Variants in NAA15 observed in about 807,000 individuals in gnomAD.
NAA15 encodes the protein N-terminal acetyltransferase.
In NAA15, 34 loss-of-function variants were observed where a neutral mutation model predicts 114.0. The observed-to-expected ratio is 0.30, with a 90% CI of 0.23 to 0.40. The LOEUF is 0.40. Ranked by LOEUF, NAA15 falls within the 10% of genes least tolerant of loss-of-function variation. NAA15 has a pLI of 1.00. For synonymous variants in NAA15, 340 were observed against 338.0 expected, an observed-to-expected ratio of 1.01 and a Z score of -0.06; for missense variants, 658 against 1,004.5, an observed-to-expected ratio of 0.66 and a Z score of 4.66.
rs182625267 is a variant in NAA15 at position 139,351,692 on chromosome 4, C to T, written c.1014+81C>T. 286 of 716,104 alleles carry T rather than the reference C, an allele frequency of 4.0e-4. 1 individual carries two copies. In the East Asian group the frequency reaches 7.0e-3, roughly 18 times the overall value. The allele number at this position is 716,104 out of a possible 1,614,324, so 44.4% of individuals were successfully genotyped here. On this transcript the variant is annotated intron_variant, in intron 9 of 19. Coordinates refer to ENST00000296543, the MANE Select transcript of NAA15 (RefSeq NM_057175.5). ...AATTATTGATTCTTGATTATCTCTGCACAGTAGTACGTGTTTTGTGAATCT... is the reference window on the plus strand; with the variant it reads ...AATTATTGATTCTTGATTATCTCTGTACAGTAGTACGTGTTTTGTGAATCT...
chr4:139,357,969 G>T (rs1748013030), intron 11 of NAA15, among the ~76,000 whole-genome samples: 1 of 151,962 alleles, frequency 6.6e-6, no homozygotes, highest in East Asian at 1.9e-4. Flanking sequence ...AATTCTACAG[G>T]TTATCTCTTT....
chr4:139,352,368 CA>C (rs1200230520), intron 9 of NAA15, among the ~76,000 whole-genome samples: 1 of 152,012 alleles, frequency 6.6e-6, no homozygotes, highest in Admixed American at 6.6e-5. Context: ...CTCGGCCTCC[CA>C]AAGTGCTGGG....
At position 139,388,164 on chromosome 4, in the gene NAA15, T is replaced by G; in HGVS notation, c.*80T>G. 8.5e-7 allele frequency: 1 copy of G among 1,176,508 alleles called. No homozygotes were observed. Among genetic ancestry groups the G allele is most frequent in the East Asian group, 2.5e-5 (1 of 40,574 alleles). 72.9% of individuals were successfully genotyped at this position (1,176,508 alleles called of 1,614,324 possible). A position where few individuals can be genotyped will look rare whatever the true frequency, so the allele number is the denominator to read the frequency against. Reference sequence around the variant, plus strand: ...TTTTGTCACGCACCTGCTGCATTGCTCTAACTTACACAGAATGAGAGGAGT... The same window carrying G: ...TTTTGTCACGCACCTGCTGCATTGCGCTAACTTACACAGAATGAGAGGAGT... On this transcript the variant is annotated 3_prime_UTR_variant, in exon 20 of 20. Transcript: ENST00000296543.
chr4:139,333,816 C>G (rs532046981), intron 1 of NAA15, among the ~76,000 whole-genome samples: 1 of 152,246 alleles, frequency 6.6e-6, no homozygotes, highest in Admixed American at 6.5e-5. Context: ...AGAAGTATTC[C>G]TTGGGCCCAG....
At chr4:139,348,982 CT>C (rs1209288651) in intron 6 of NAA15, among the ~76,000 whole-genome samples, 1 of 152,134 alleles carries the variant, frequency 6.6e-6, no homozygotes, top group East Asian at 1.9e-4. Flanking sequence ...TGCTTAATTG[CT>C]TCTTGGAAGA....
chr4:139,306,577 GTT>G (rs541184787), intron 1 of NAA15, among the ~76,000 whole-genome samples: 1 of 137,810 alleles, frequency 7.3e-6, no homozygotes. Context: ...CCAGAAGCTG[GTT>G]TTTTTTTTTT....
rs2110994679 is a variant in NAA15, at chr4:139,378,791, G to T, written c.2092G>T (p.Ala698Ser). Residue 698 changes from alanine (A) to serine (S), a missense_variant, in exon 17 of 20, where the codon GCA (alanine) becomes TCA (serine). Ala to Ser is a moderately conservative substitution (Grantham distance 99, BLOSUM62 1). This residue lies in a region of NAA15 where 275 missense variants were observed against 371.1 expected (regional missense o/e 0.74). Coordinates refer to ENST00000296543, the MANE Select transcript of NAA15 (RefSeq NM_057175.5). Reference protein sequence around the residue: ...FLLMLQSVKRAFAIDSSHPWL... With the variant: ...FLLMLQSVKRSFAIDSSHPWL... ...TTTGATGCTACAATCAGTAAAGAGGGCATTTGCTATTGATTCTAGTCATCC... is the reference window on the plus strand; with the variant it reads ...TTTGATGCTACAATCAGTAAAGAGGTCATTTGCTATTGATTCTAGTCATCC... The T allele has an allele frequency of 1.3e-6, 2 of 1,558,122 alleles. No individual in the cohort carries two copies. The highest frequency in any genetic ancestry group is 1.7e-6 in the Non-Finnish European group (2 of 1,162,604).
At chr4:139,305,075 A>T (rs749434847) in intron 1 of NAA15, among the ~76,000 whole-genome samples, 1 of 152,196 alleles carries the variant, frequency 6.6e-6, no homozygotes, top group African/African-American at 2.4e-5. Context: ...GGGCTACTAC[A>T]TCCAGCTAAT....
intron 6 of NAA15, among the ~76,000 whole-genome samples, chr4:139,346,364 T>A (rs1747582268): frequency 6.6e-6 from 1 of 152,116 alleles, no homozygotes. Flanking sequence ...TTGAGTTAGG[T>A]AATGGGACAG....
intron 1 of NAA15, among the ~76,000 whole-genome samples, chr4:139,306,964 A>G (rs1746043036): frequency 6.6e-6 from 1 of 152,174 alleles, no homozygotes; most frequent in Admixed American, 6.5e-5. Context: ...CTAAGTTGGG[A>G]ATAGTTAAAA....
chr4:139,357,547 A>G lies in NAA15; in HGVS notation c.1249A>G (p.Ile417Val). 4 of 1,596,050 alleles carry G rather than the reference A, an allele frequency of 2.5e-6. No homozygotes were observed. Among genetic ancestry groups the G allele is most frequent in the Non-Finnish European group, 3.4e-6 (4 of 1,166,636 alleles). Reference protein sequence around the residue: ...LIELFLVKAKIYKHAGNIKEA... With the variant: ...LIELFLVKAKVYKHAGNIKEA... Reference sequence around the variant, plus strand: ...AGAACTCTTTCTCGTGAAAGCTAAAATCTATAAGGTAAAAATCTTTTTTTC... The same window carrying G: ...AGAACTCTTTCTCGTGAAAGCTAAAGTCTATAAGGTAAAAATCTTTTTTTC... The change falls in exon 11 of 20, where the codon ATC becomes GTC. Residue 417 changes from isoleucine to valine, a missense_variant. Physicochemically the swap from Ile to Val is conservative, Grantham distance 29. Coordinates refer to ENST00000296543, the MANE Select transcript of NAA15 (RefSeq NM_057175.5).
intron 1 of NAA15, among the ~76,000 whole-genome samples, chr4:139,310,232 A>G (rs905781683): frequency 2.6e-5 from 4 of 152,038 alleles, no homozygotes; most frequent in Non-Finnish European, 5.9e-5. Flanking sequence ...AGGCGGGCGG[A>G]TCACGAGGTC....
At chr4:139,333,364 T>C (rs747004) in intron 1 of NAA15, among the ~76,000 whole-genome samples, 46,323 of 152,042 alleles carry the variant, frequency 0.3, 7,897 homozygotes, top group African/African-American at 0.46. Flanking sequence ...TAAGAGTGCA[T>C]TGCTATTCTG....
In NAA15 at chr4:139,388,167, A is replaced by C. The variant is rs1748960594; in HGVS notation, c.*83A>C. ...TGTCACGCACCTGCTGCATTGCTCT[A>C]ACTTACACAGAATGAGAGGAGTAAA... On this transcript the variant is annotated 3_prime_UTR_variant, in exon 20 of 20. Coordinates refer to ENST00000296543, the MANE Select transcript of NAA15 (RefSeq NM_057175.5). The C allele has an allele frequency of 2.6e-6, 3 of 1,132,578 alleles. No individual in the cohort carries two copies. Among genetic ancestry groups the C allele is most frequent in the African/African-American group, 3.1e-5 (2 of 63,558 alleles). The allele number at this position is 1,132,578 out of a possible 1,614,324, so 70.2% of individuals were successfully genotyped here.
chr4:139,374,832 G>T (rs1001619420), intron 15 of NAA15, among the ~76,000 whole-genome samples: 3 of 151,916 alleles, frequency 2.0e-5, no homozygotes, highest in African/African-American at 7.3e-5. Flanking sequence ...CTCCTTTGGG[G>T]GAATATGTTC....
intron 11 of NAA15, among the ~76,000 whole-genome samples, chr4:139,359,537 A>T (rs2110954475): frequency 1.3e-5 from 2 of 152,348 alleles, no homozygotes; most frequent in East Asian, 3.9e-4. Flanking sequence ...CTTTACTGTC[A>T]GACAGCTTAC....
chr4:139,351,629 A>G lies in NAA15; in HGVS notation c.1014+18A>G. 2.4e-6 allele frequency: 3 copies of G among 1,254,706 alleles called. No individual in the cohort carries two copies. Among genetic ancestry groups the G allele is most frequent in the South Asian group, 2.4e-5 (2 of 81,838 alleles). 77.7% of individuals were successfully genotyped at this position (1,254,706 alleles called of 1,614,324 possible). On this transcript the variant is annotated intron_variant, in intron 9 of 19. Transcript: ENST00000296543. ...AAGAAAAGGTAAAGTGAAATATGAT[A>G]CTTTCTTTTGGCTACCATTTCTTTG...
At chr4:139,375,887 A>G (rs1320495924) in intron 15 of NAA15, among the ~76,000 whole-genome samples, 1 of 149,216 alleles carries the variant, frequency 6.7e-6, no homozygotes, top group East Asian at 1.9e-4. Flanking sequence ...TTGAATAAAT[A>G]CGAATTCCTG....
intron 19 of NAA15, 112 bp from the exon 20 acceptor site, chr4:139,387,772 T>C: frequency 3.7e-6 from 3 of 806,502 alleles, no homozygotes. Flanking sequence ...AATAGCTAAA[T>C]ATGTGTATTT....
Sources: allele counts gnomAD v4.1 joint callset (sites outside exome capture counted in the v4.1 genomes callset), GRCh38; gene constraint gnomAD v4.1.1; regional missense constraint gnomAD v4.1.1; transcripts MANE v1.5; gene names NCBI Gene and HGNC (gene_info 2026-07-23, HGNC 2026-07-21).